The following PRKN variants were observed in gnomAD, a reference collection of about 807,000 sequenced individuals.
PRKN encodes the protein parkin RBR E3 ubiquitin protein ligase, also known as E3 ubiquitin-protein ligase parkin.
In PRKN, 56 loss-of-function variants were observed where a neutral mutation model predicts 59.5. That is an observed-to-expected ratio of 0.94 (90% CI 0.76 to 1.18). The LOEUF is 1.18. Among genes scored for constraint, PRKN ranks in the 50% most tolerant of loss-of-function variants. PRKN has a pLI of 0.00. For missense variants in PRKN, 657 were observed against 596.4 expected (o/e 1.10, Z -1.06); for synonymous variants, 250 against 222.1 (o/e 1.13, Z -1.12).
At chr6:161,819,284 G>A (rs1023159702) in intron 6 of PRKN, among the ~76,000 whole-genome samples, 23 of 152,044 alleles carry the variant, frequency 1.5e-4, no homozygotes, top group Admixed American at 1.3e-4. Context: ...TAGAAGTCAG[G>A]AGTTCAAGCC....
At chr6:162,118,671 T>C (rs982337738) in intron 4 of PRKN, among the ~76,000 whole-genome samples, 2 of 152,198 alleles carry the variant, frequency 1.3e-5, no homozygotes, top group Non-Finnish European at 2.9e-5. Flanking sequence ...TACAGCCAAA[T>C]AACCAACCAC....
At chr6:161,838,333 C>T (rs1022389405) in intron 6 of PRKN, among the ~76,000 whole-genome samples, 4 of 152,156 alleles carry the variant, frequency 2.6e-5, no homozygotes, top group African/African-American at 9.7e-5. Context: ...AATAAAACAG[C>T]GGGGCACTCT....
At chr6:161,758,997 T>C (rs1478641095) in intron 7 of PRKN, among the ~76,000 whole-genome samples, 1 of 151,976 alleles carries the variant, frequency 6.6e-6, no homozygotes, top group Non-Finnish European at 1.5e-5. Context: ...GCCAAGATGG[T>C]GAAACCCCGT....
intron 5 of PRKN, among the ~76,000 whole-genome samples, chr6:161,998,065 A>T (rs1352667339): frequency 6.6e-6 from 1 of 152,162 alleles, no homozygotes; most frequent in East Asian, 1.9e-4. Flanking sequence ...TAAAAAACAT[A>T]AAACATATAT....
intron 6 of PRKN, among the ~76,000 whole-genome samples, chr6:161,934,918 A>T (rs936160336): frequency 2.0e-5 from 3 of 152,142 alleles, no homozygotes; most frequent in African/African-American, 7.2e-5. Flanking sequence ...AAAATCACCA[A>T]AGCTTGTTCT....
At chr6:161,821,529 T>C (rs1792023545) in intron 6 of PRKN, among the ~76,000 whole-genome samples, 1 of 152,042 alleles carries the variant, frequency 6.6e-6, no homozygotes, top group Non-Finnish European at 1.5e-5. Context: ...TTAAGAAACA[T>C]ATCCAGAAGT....
intron 3 of PRKN, among the ~76,000 whole-genome samples, chr6:162,231,843 G>A (rs557896507): frequency 6.6e-6 from 1 of 152,080 alleles, no homozygotes; most frequent in South Asian, 2.1e-4. Flanking sequence ...AATTAAACAA[G>A]GCAATCTCTC....
chr6:162,184,379 T>A (rs1783930993), intron 4 of PRKN, among the ~76,000 whole-genome samples: 1 of 152,214 alleles, frequency 6.6e-6, no homozygotes, highest in Non-Finnish European at 1.5e-5. Flanking sequence ...CCCACCCAAT[T>A]ATTAGTTCCC....
chr6:162,011,457 A>ATAT (rs1256107727), intron 5 of PRKN, among the ~76,000 whole-genome samples: 653 of 34,876 alleles, frequency 0.019, 113 homozygotes, highest in African/African-American at 0.1. Flanking sequence ...AATATATAAT[A>ATAT]TATATATTAT....
intron 1 of PRKN, among the ~76,000 whole-genome samples, chr6:162,506,760 G>T (rs1157419200): frequency 6.6e-6 from 1 of 152,120 alleles, no homozygotes; most frequent in African/African-American, 2.4e-5. Context: ...GAAAGTTCAA[G>T]GAGCAAATAG....
rs1010224486 is a variant in PRKN at position 161,488,199 on chromosome 6, G to A, written c.1083+60655C>T. Among the ~76,000 whole-genome samples, 17 of 152,234 alleles carry A rather than the reference G, an allele frequency of 1.1e-4. 1 individual carries two copies. Among genetic ancestry groups the A allele is most frequent in the African/African-American group, 3.6e-4 (15 of 41,550 alleles). On this transcript the variant is annotated intron_variant, in intron 9 of 11. Coordinates refer to ENST00000366898, the MANE Select transcript of PRKN (RefSeq NM_004562.3). This position sits in a 1 kb window ranked among gnomAD's most constrained non-coding sequence, Gnocchi z 4.5. ...CAGCCATGCAAAAAGCTGAAGGAAG[G>A]TCCTCCAGGAAGGGAGAGTCATGGC...
In PRKN at chr6:161,589,475, A is replaced by ATT. The variant is rs1169210782; in HGVS notation, c.872-20061_872-20060dup. ...GGTAGAAGTTTGAAAGGAAATACAG[A>ATT]TTTTTTTTTTTTTCCTTTCAAAGAG... On this transcript the variant is annotated intron_variant, in intron 7 of 11. Coordinates refer to ENST00000366898, the MANE Select transcript of PRKN (RefSeq NM_004562.3). Among the ~76,000 whole-genome samples the ATT allele has an allele frequency of 2.1e-3, 308 of 146,530 alleles. 1 individual carries two copies. Among genetic ancestry groups the ATT allele is most frequent in the African/African-American group, 7.3e-3 (294 of 40,184 alleles).
At chr6:161,825,706 C>A (rs531908623) in intron 6 of PRKN, among the ~76,000 whole-genome samples, 1 of 152,016 alleles carries the variant, frequency 6.6e-6, no homozygotes, top group Non-Finnish European at 1.5e-5. Flanking sequence ...ACTGGAAATG[C>A]GAGGGTGTCT....
chr6:162,550,084 A>G (rs1779276734), intron 1 of PRKN, among the ~76,000 whole-genome samples: 1 of 152,214 alleles, frequency 6.6e-6, no homozygotes, highest in Non-Finnish European at 1.5e-5. Flanking sequence ...CACCTTCACA[A>G]TAGAAAATAA....
intron 2 of PRKN, among the ~76,000 whole-genome samples, chr6:162,263,725 G>C (rs1343033652): frequency 6.6e-6 from 1 of 151,904 alleles, no homozygotes; most frequent in Admixed American, 6.6e-5. Flanking sequence ...AGGCCTAGGT[G>C]GGTGGATAGC....
intron 1 of PRKN, among the ~76,000 whole-genome samples, chr6:162,587,669 T>C (rs992882916): frequency 6.6e-6 from 1 of 152,188 alleles, no homozygotes; most frequent in Non-Finnish European, 1.5e-5. Context: ...CTGATGATTA[T>C]ACATGCATAA....
At chr6:162,492,168 A>C (rs1168472410) in intron 1 of PRKN, among the ~76,000 whole-genome samples, 1 of 152,218 alleles carries the variant, frequency 6.6e-6, no homozygotes, top group Non-Finnish European at 1.5e-5. Context: ...ACATGAACTA[A>C]AAGCCAGATG....
chr6:162,211,523 A>T (rs1324067299), intron 3 of PRKN, among the ~76,000 whole-genome samples: 2 of 152,162 alleles, frequency 1.3e-5, no homozygotes, highest in Admixed American at 6.5e-5. Context: ...ATAATTTAAA[A>T]TTTTTTAAAA....
rs913301221 is a variant in PRKN, at chr6:161,476,000, C to A, written c.1083+72854G>T. ...AGGAGATGGAGACCATCCTGGTTAA[C>A]ACGGTGAAAGCCTGTCTCTACTAAA... On this transcript the variant is annotated intron_variant, in intron 9 of 11. Transcript: ENST00000366898. This position sits in a 1 kb window ranked among gnomAD's most constrained non-coding sequence, Gnocchi z 5.3. Among the ~76,000 whole-genome samples the A allele has an allele frequency of 3.1e-4, 47 of 152,090 alleles. No homozygotes were observed. The highest frequency in any genetic ancestry group is 1.1e-3 in the African/African-American group (47 of 41,530).
Sources: allele counts gnomAD v4.1 joint callset (sites outside exome capture counted in the v4.1 genomes callset), GRCh38; gene constraint gnomAD v4.1.1; non-coding constraint Gnocchi (gnomAD v3.1); transcripts MANE v1.5; gene names NCBI Gene and HGNC (gene_info 2026-07-23, HGNC 2026-07-21).